NDUFAF2: variants seen among roughly 807,000 people sequenced by gnomAD.
The protein encoded by NDUFAF2 is NADH:ubiquinone oxidoreductase complex assembly factor 2.
NDUFAF2 carries 13 observed loss-of-function variants against 22.8 expected under a neutral mutation model. The observed-to-expected ratio is 0.57, with a 90% CI of 0.37 to 0.91. The LOEUF (loss-of-function observed/expected upper bound fraction) is 0.91, where lower values mean the gene tolerates loss of function less well. Ranked by LOEUF, NDUFAF2 falls within the 40% of genes least tolerant of loss-of-function variation. The probability of loss-of-function intolerance (pLI) is 0.01; values close to 1 mark genes in which losing one functional copy is unlikely to be tolerated. For synonymous variants in NDUFAF2, 53 were observed against 64.2 expected, an observed-to-expected ratio of 0.83 and a Z score of 0.84; for missense variants, 162 against 195.2, an observed-to-expected ratio of 0.83 and a Z score of 1.01.
At chr5:61,004,570 A>G (rs998679992) in intron 1 of NDUFAF2, among the ~76,000 whole-genome samples, 2 of 152,140 alleles carry the variant, frequency 1.3e-5, no homozygotes, top group Non-Finnish European at 2.9e-5. Flanking sequence ...TAACATGAAA[A>G]TATGTATATT....
At chr5:61,105,891 G>A (rs1394059512) in intron 3 of NDUFAF2, among the ~76,000 whole-genome samples, 1 of 151,398 alleles carries the variant, frequency 6.6e-6, no homozygotes, top group Non-Finnish European at 1.5e-5. Context: ...AATGGATTTA[G>A]TGAAACTGAG....
At chr5:61,002,493 T>G (rs1751309414) in intron 1 of NDUFAF2, among the ~76,000 whole-genome samples, 1 of 152,152 alleles carries the variant, frequency 6.6e-6, no homozygotes. Context: ...GGTTCTTTCT[T>G]CTCCTCAACA....
intron 1 of NDUFAF2, among the ~76,000 whole-genome samples, chr5:61,041,561 T>C (rs905807685): frequency 5.9e-5 from 9 of 152,178 alleles, no homozygotes; most frequent in Non-Finnish European, 1.3e-4. Flanking sequence ...AATAGACCAA[T>C]ACTTTCGAGT....
chr5:61,072,689 C>T (rs888888269), intron 1 of NDUFAF2, among the ~76,000 whole-genome samples: 3 of 152,088 alleles, frequency 2.0e-5, no homozygotes, highest in Admixed American at 6.5e-5. Flanking sequence ...CTCTGCCTCC[C>T]GGGCTCAAGT....
At chr5:60,963,214 T>C (rs984574423) in intron 1 of NDUFAF2, among the ~76,000 whole-genome samples, 1 of 152,164 alleles carries the variant, frequency 6.6e-6, no homozygotes, top group African/African-American at 2.4e-5. Context: ...AGGTAGAGAT[T>C]CTAATATTGA....
At chr5:61,069,063 T>C (rs2111725962) in intron 1 of NDUFAF2, among the ~76,000 whole-genome samples, 1 of 152,060 alleles carries the variant, frequency 6.6e-6, no homozygotes, top group South Asian at 2.1e-4. Flanking sequence ...ATGAAATTAC[T>C]CATGCAGAGC....
intron 1 of NDUFAF2, among the ~76,000 whole-genome samples, chr5:61,014,097 G>A (rs915388744): frequency 8.5e-5 from 13 of 152,210 alleles, no homozygotes; most frequent in African/African-American, 3.1e-4. Context: ...TTAAGAATGG[G>A]GCTGGTCCCC....
chr5:61,124,366 T>C (rs1336936260), intron 3 of NDUFAF2, among the ~76,000 whole-genome samples: 1 of 152,064 alleles, frequency 6.6e-6, no homozygotes, highest in Non-Finnish European at 1.5e-5. Flanking sequence ...CCTACTTCTT[T>C]GAATGGGTAT....
At chr5:60,978,733 G>A (rs1195366535) in intron 1 of NDUFAF2, among the ~76,000 whole-genome samples, 1 of 152,116 alleles carries the variant, frequency 6.6e-6, no homozygotes, top group Non-Finnish European at 1.5e-5. Flanking sequence ...TAGGACACAA[G>A]GACTACAATT....
chr5:60,988,367 G>A (rs940067901), intron 1 of NDUFAF2, among the ~76,000 whole-genome samples: 2 of 152,062 alleles, frequency 1.3e-5, no homozygotes, highest in Non-Finnish European at 2.9e-5. Flanking sequence ...AACACAATTT[G>A]CGATTCAGTG....
In NDUFAF2 at chr5:60,945,207, C is replaced by G. The variant is rs548669440; in HGVS notation, c.-49C>G. On this transcript the variant is annotated 5_prime_UTR_variant, in exon 1 of 4. Coordinates refer to ENST00000296597, the MANE Select transcript of NDUFAF2 (RefSeq NM_174889.5). ...GCTGGGTCGGCGGCTGGAGCATTAC[C>G]CCTACTGCGGGTCCCGCTGCTGGCA... The G allele has an allele frequency of 6.2e-7, 1 of 1,604,344 alleles. No individual in the cohort carries two copies. Among genetic ancestry groups the G allele is most frequent in the South Asian group, 1.1e-5 (1 of 89,854 alleles).
At chr5:61,152,599 A>G (rs1051527153) in intron 3 of NDUFAF2, 105 bp from the exon 4 acceptor site, 3 of 757,398 alleles carry the variant, frequency 4.0e-6, no homozygotes, top group Non-Finnish European at 5.9e-6. Flanking sequence ...GTATGTATGT[A>G]TATATTTATA....
chr5:61,073,026 T>G (rs1287160693), intron 1 of NDUFAF2, 99 bp from the exon 2 acceptor site: 21 of 762,774 alleles, frequency 2.8e-5, no homozygotes, highest in Non-Finnish European at 4.3e-5. Flanking sequence ...AATTTAATTC[T>G]TTTACTATAT....
chr5:60,983,448 T>C (rs1451512981), intron 1 of NDUFAF2, among the ~76,000 whole-genome samples: 1 of 138,280 alleles, frequency 7.2e-6, no homozygotes, highest in Non-Finnish European at 1.6e-5. Context: ...CCATTGCTTT[T>C]GGTGTTTTAG....
chr5:60,948,750 AT>A (rs1278648630), intron 1 of NDUFAF2, among the ~76,000 whole-genome samples: 11 of 152,316 alleles, frequency 7.2e-5, no homozygotes, highest in Admixed American at 7.2e-4. Context: ...TTACAAATAA[AT>A]TATGAACATT....
At chr5:61,119,848 A>T (rs1204591988) in intron 3 of NDUFAF2, among the ~76,000 whole-genome samples, 1 of 152,170 alleles carries the variant, frequency 6.6e-6, no homozygotes, top group Non-Finnish European at 1.5e-5. Context: ...AGCCAATACT[A>T]TGATCTTACT....
intron 1 of NDUFAF2, among the ~76,000 whole-genome samples, chr5:60,988,559 A>C (rs140262875): frequency 1.3e-5 from 2 of 152,214 alleles, no homozygotes; most frequent in Non-Finnish European, 2.9e-5. Context: ...CCAAAACAGT[A>C]TGGTACTGGT....
At chr5:61,073,649 T>C (rs1417556796) in intron 2 of NDUFAF2, among the ~76,000 whole-genome samples, 1 of 152,188 alleles carries the variant, frequency 6.6e-6, no homozygotes, top group East Asian at 1.9e-4. Flanking sequence ...TAGATACCAT[T>C]TGGAGTATTT....
intron 2 of NDUFAF2, among the ~76,000 whole-genome samples, chr5:61,075,734 T>C (rs1253866813): frequency 6.6e-6 from 1 of 152,160 alleles, no homozygotes; most frequent in Non-Finnish European, 1.5e-5. Flanking sequence ...TAAACAAAAA[T>C]TATTTTTATG....
Sources: allele counts gnomAD v4.1 joint callset (sites outside exome capture counted in the v4.1 genomes callset), GRCh38; gene constraint gnomAD v4.1.1; transcripts MANE v1.5; gene names NCBI Gene and HGNC (gene_info 2026-07-23, HGNC 2026-07-21).